Variants in ZCCHC17 observed in about 807,000 individuals in gnomAD.
The protein encoded by ZCCHC17 is zinc finger CCHC domain-containing protein 17.
In ZCCHC17, 18 loss-of-function variants were observed where a neutral mutation model predicts 30.6. The observed-to-expected ratio is 0.59, with a 90% CI of 0.41 to 0.87. The LOEUF is 0.87. ZCCHC17 is among the 40% of genes least tolerant of loss of function. ZCCHC17 has a pLI of 0.00. For synonymous variants in ZCCHC17, 88 were observed against 92.4 expected (o/e 0.95, Z 0.27); for missense variants, 263 against 284.2 (o/e 0.93, Z 0.54).
intron 4 of ZCCHC17, 29 bp from the exon 5 acceptor site, chr1:31,338,928 T>G: frequency 6.6e-7 from 1 of 1,524,580 alleles, no homozygotes; most frequent in Non-Finnish European, 8.9e-7. Flanking sequence ...TATTTAAAGT[T>G]TTTGGTGACT....
chr1:31,299,248 T>C lies in ZCCHC17; in HGVS notation c.-56+2173T>C, dbSNP rs1480492721. Among the ~76,000 whole-genome samples, 6 of 152,060 alleles carry C rather than the reference T, an allele frequency of 3.9e-5. No homozygotes were observed. The East Asian group carries it at 1.2e-3, about 29-fold the overall frequency. ...CAGTTGAGGATCCAGTTTTGAGAAA[T>C]TTGAGAATATTGTAGAAGATTTGAA... On this transcript the variant is annotated intron_variant, in intron 1 of 7. Coordinates refer to ENST00000344147, the MANE Select transcript of ZCCHC17 (RefSeq NM_016505.4).
At chr1:31,343,849 T>TA (rs1639140840) in intron 5 of ZCCHC17, among the ~76,000 whole-genome samples, 1 of 137,208 alleles carries the variant, frequency 7.3e-6, no homozygotes, top group African/African-American at 2.8e-5. Flanking sequence ...CCCACTAATT[T>TA]TTTTTTTTTT....
At chr1:31,342,558 G>A (rs111977222) in intron 5 of ZCCHC17, among the ~76,000 whole-genome samples, 2,504 of 152,242 alleles carry the variant, frequency 0.016, 33 homozygotes, top group Non-Finnish European at 0.023. Context: ...CTCATAGGGG[G>A]TGCGCAACCT....
intron 3 of ZCCHC17, among the ~76,000 whole-genome samples, chr1:31,323,661 CA>C (rs1646915187): frequency 2.0e-5 from 3 of 151,912 alleles, no homozygotes; most frequent in Non-Finnish European, 1.5e-5. Flanking sequence ...GATGAATGTA[CA>C]ATTATCTCAA....
rs79395359 is a variant in ZCCHC17 at position 31,355,349 on chromosome 1, A to G, written c.564+6375A>G. Among the ~76,000 whole-genome samples the G allele has an allele frequency of 3.5e-3, 539 of 152,198 alleles. 41 individuals carry two copies. In the East Asian group the frequency reaches 0.097, roughly 27 times the overall value. ...TCGTTGTCTTTTCACCTCATTGTTAATCCCGTCATTACCTTTTATGCCTCA... is the reference window on the plus strand; with the variant it reads ...TCGTTGTCTTTTCACCTCATTGTTAGTCCCGTCATTACCTTTTATGCCTCA... On this transcript the variant is annotated intron_variant, in intron 7 of 7. Coordinates refer to ENST00000344147, the MANE Select transcript of ZCCHC17 (RefSeq NM_016505.4).
chr1:31,302,351 C>T (rs1646336356), intron 1 of ZCCHC17, among the ~76,000 whole-genome samples: 1 of 152,090 alleles, frequency 6.6e-6, no homozygotes, highest in Non-Finnish European at 1.5e-5. Flanking sequence ...TCTACCTGTG[C>T]TTGGCATATA....
intron 2 of ZCCHC17, among the ~76,000 whole-genome samples, chr1:31,314,769 C>T (rs957725571): frequency 1.3e-5 from 2 of 151,978 alleles, no homozygotes; most frequent in African/African-American, 2.4e-5. Flanking sequence ...TGGGTTCAAG[C>T]GATTCTCATG....
At position 31,352,165 on chromosome 1, in the gene ZCCHC17, G is replaced by GT. The variant is rs535221272; in HGVS notation, c.564+3196dup. On this transcript the variant is annotated intron_variant, in intron 7 of 7. Transcript: ENST00000344147. The stretch of plus-strand genomic sequence containing the variant: ...CCTTTTTGTATAGTGTTTTTTGTTT[G>GT]TTTTTATGGTAAAATACACATAACA... Among the ~76,000 whole-genome samples, 15 of 152,148 alleles carry GT rather than the reference G, an allele frequency of 9.9e-5. No individual in the cohort carries two copies. The East Asian group carries it at 2.9e-3, about 29-fold the overall frequency.
chr1:31,312,224 C>T (rs1027406682), intron 2 of ZCCHC17, among the ~76,000 whole-genome samples: 12 of 152,182 alleles, frequency 7.9e-5, no homozygotes, highest in Non-Finnish European at 1.8e-4. Flanking sequence ...CCTAATGTCT[C>T]CTCAGAATTT....
In ZCCHC17 at chr1:31,337,424, A is replaced by T. The variant is rs769490768; in HGVS notation, c.225+149A>T. The T allele has an allele frequency of 1.9e-5, 13 of 694,368 alleles. No individual in the cohort carries two copies. The South Asian group carries it at 2.3e-4, about 12-fold the overall frequency. The allele number at this position is 694,368 out of a possible 1,614,324, so 43.0% of individuals were successfully genotyped here. On this transcript the variant is annotated intron_variant, in intron 4 of 7. Transcript: ENST00000344147. ...GCCATTAGAATCTATTCTGAATTCA[A>T]ACCTTCTGGTAGACTGTCCTGCAAA...
chr1:31,321,985 A>T (rs893487469), intron 3 of ZCCHC17, among the ~76,000 whole-genome samples: 2 of 152,236 alleles, frequency 1.3e-5, no homozygotes, highest in Non-Finnish European at 2.9e-5. Flanking sequence ...CCTTGTGGTG[A>T]GGGACCTGTT....
intron 2 of ZCCHC17, among the ~76,000 whole-genome samples, chr1:31,313,198 C>A (rs747559100): frequency 8.9e-4 from 135 of 151,520 alleles, no homozygotes; most frequent in Middle Eastern, 3.4e-3. Flanking sequence ...TCCCACTCAG[C>A]CCCCGAGGTA....
chr1:31,348,469 G>T (rs1417853987), intron 6 of ZCCHC17, among the ~76,000 whole-genome samples: 1 of 152,158 alleles, frequency 6.6e-6, no homozygotes, highest in Non-Finnish European at 1.5e-5. Flanking sequence ...TAAACATCCT[G>T]CTCTCTGGAG....
intron 2 of ZCCHC17, among the ~76,000 whole-genome samples, chr1:31,317,663 C>T (rs549260527): frequency 2.9e-4 from 44 of 151,818 alleles, no homozygotes; most frequent in African/African-American, 1.1e-3. Flanking sequence ...AGAGATGGGT[C>T]TTGCTATGTT....
At chr1:31,349,465 G>A (rs1639392232) in intron 7 of ZCCHC17, among the ~76,000 whole-genome samples, 1 of 152,092 alleles carries the variant, frequency 6.6e-6, no homozygotes, top group South Asian at 2.1e-4. Context: ...TGAGTAGCTG[G>A]AACTACAGGC....
intron 5 of ZCCHC17, among the ~76,000 whole-genome samples, chr1:31,341,670 G>A (rs528211044): frequency 6.6e-6 from 1 of 152,312 alleles, no homozygotes; most frequent in African/African-American, 2.4e-5. Flanking sequence ...ATCAGAAAGA[G>A]TACTGGTTCT....
intron 5 of ZCCHC17, among the ~76,000 whole-genome samples, chr1:31,343,811 C>A (rs980324550): frequency 6.7e-6 from 1 of 149,276 alleles, no homozygotes; most frequent in African/African-American, 2.5e-5. Context: ...TCCCAAGTAG[C>A]CAAGACTATA....
chr1:31,350,407 A>G (rs1307868922), intron 7 of ZCCHC17, among the ~76,000 whole-genome samples: 2 of 152,018 alleles, frequency 1.3e-5, no homozygotes, highest in African/African-American at 4.8e-5. Context: ...AAGTATATGA[A>G]TAATAATTTC....
intron 3 of ZCCHC17, among the ~76,000 whole-genome samples, chr1:31,332,805 A>G (rs1638641926): frequency 6.6e-6 from 1 of 152,082 alleles, no homozygotes; most frequent in South Asian, 2.1e-4. Flanking sequence ...TATTTTTAGT[A>G]GAGATGGAGT....
Sources: allele counts gnomAD v4.1 joint callset (sites outside exome capture counted in the v4.1 genomes callset), GRCh38; gene constraint gnomAD v4.1.1; transcripts MANE v1.5; gene names NCBI Gene and HGNC (gene_info 2026-07-23, HGNC 2026-07-21).